PLA1A: variants seen among roughly 807,000 people sequenced by gnomAD.
PLA1A encodes phospholipase A1 member A.
Under a neutral mutation model 49.4 loss-of-function variants are expected in PLA1A, and 47 were observed. The observed-to-expected ratio is 0.95, with a 90% confidence interval of 0.75 to 1.21. The LOEUF (loss-of-function observed/expected upper bound fraction) is 1.21. Among genes scored for constraint, PLA1A ranks in the 50% most tolerant of loss-of-function variants. The pLI, the probability that PLA1A is intolerant of heterozygous loss-of-function variation, is 0.00. For missense variants in PLA1A, 561 were observed against 563.9 expected (o/e 0.99, Z 0.05); for synonymous variants, 224 against 207.9 (o/e 1.08, Z -0.67).
chr3:119,604,686 G>C (rs1374809446), intron 1 of PLA1A, among the ~76,000 whole-genome samples: 1 of 151,878 alleles, frequency 6.6e-6, no homozygotes, highest in East Asian at 1.9e-4. Context: ...ACTTAAAAAA[G>C]GTAAAGATGA....
intron 4 of PLA1A, among the ~76,000 whole-genome samples, chr3:119,612,216 C>T (rs1251307487): frequency 6.6e-6 from 1 of 152,170 alleles, no homozygotes; most frequent in Non-Finnish European, 1.5e-5. Flanking sequence ...CCTCACCATG[C>T]TTTCTGAGAC....
rs1456695287 is a variant in PLA1A, at chr3:119,609,495, C to T, written c.481C>T (p.His161Tyr). 6 of 1,612,314 alleles carry T rather than the reference C, an allele frequency of 3.7e-6. No homozygotes were observed. Among genetic ancestry groups the T allele is most frequent in the Non-Finnish European group, 5.1e-6 (6 of 1,178,504 alleles). The change falls in exon 4 of 11, where the codon CAC (histidine) becomes TAC (tyrosine). Residue 161 changes from histidine to tyrosine, a missense_variant. His to Tyr is a moderately conservative substitution (Grantham distance 83, BLOSUM62 2). Coordinates refer to ENST00000273371, the MANE Select transcript of PLA1A (RefSeq NM_015900.4). ...GCTGGGTGTGTCGGAATCCTCAATC[C>T]ACATCATTGGTGTTAGCCTGGGGGC... ...LVLGVSESSI[H>Y]IIGVSLGAHV...
At chr3:119,602,802 G>T (rs1443919272) in intron 1 of PLA1A, among the ~76,000 whole-genome samples, 1 of 152,168 alleles carries the variant, frequency 6.6e-6, no homozygotes, top group Non-Finnish European at 1.5e-5. Flanking sequence ...AAGGATGATT[G>T]AGAGAAATGA....
chr3:119,629,344 C>T (rs1461000343), intron 10 of PLA1A, 40 bp from the exon 11 acceptor site: 2 of 1,166,132 alleles, frequency 1.7e-6, no homozygotes, highest in Non-Finnish European at 2.6e-6. Flanking sequence ...AGCCCTGTCT[C>T]CTCACCAGCC....
At chr3:119,599,975 T>C (rs1037261356) in intron 1 of PLA1A, among the ~76,000 whole-genome samples, 2 of 143,446 alleles carry the variant, frequency 1.4e-5, no homozygotes, top group African/African-American at 2.9e-5. Context: ...TGTGTGTGCG[T>C]GTGTGTGTGT....
intron 5 of PLA1A, among the ~76,000 whole-genome samples, chr3:119,614,431 G>A (rs1397706896): frequency 2.0e-5 from 3 of 151,688 alleles, no homozygotes; most frequent in Non-Finnish European, 2.9e-5. Context: ...GTGAAACCCC[G>A]TCTCTACTAA....
At chr3:119,619,030 G>A (rs540760113) in intron 7 of PLA1A, among the ~76,000 whole-genome samples, 1 of 152,290 alleles carries the variant, frequency 6.6e-6, no homozygotes, top group Non-Finnish European at 1.5e-5. Context: ...ACCTCACACT[G>A]TCTGCCCAGC....
Position 119,629,498 on chromosome 3 carries a change from A to ATATTT in PLA1A, c.*31_*32insATTTT, listed in dbSNP as rs1553795318. 0.012 allele frequency: 10,138 copies of ATATTT among 874,588 alleles called. 51 individuals are homozygous for ATATTT. Among genetic ancestry groups the ATATTT allele is most frequent in the Non-Finnish European group, 0.016 (9,022 of 564,958 alleles). 54.2% of individuals were successfully genotyped at this position (874,588 alleles called of 1,614,324 possible). On this transcript the variant is annotated 3_prime_UTR_variant, in exon 11 of 11. Coordinates refer to ENST00000273371, the MANE Select transcript of PLA1A (RefSeq NM_015900.4). ...ACCTGGGCAGGACACATCTCCCTGC[A>ATATTT]TTTTTTTTTTTTTTTTGAGAGAGAG...
intron 5 of PLA1A, among the ~76,000 whole-genome samples, chr3:119,614,531 A>G (rs1349003158): frequency 6.8e-6 from 1 of 147,972 alleles, no homozygotes; most frequent in Non-Finnish European, 1.5e-5. Flanking sequence ...CCCTGAACCC[A>G]GGAGGCAGAG....
At chr3:119,616,921 T>C (rs1560083810) in intron 6 of PLA1A, among the ~76,000 whole-genome samples, 1 of 152,222 alleles carries the variant, frequency 6.6e-6, no homozygotes, top group Non-Finnish European at 1.5e-5. Flanking sequence ...AGGGTTTAGT[T>C]TGTCTCTGCC....
intron 1 of PLA1A, among the ~76,000 whole-genome samples, chr3:119,604,166 A>G (rs1525838): frequency 0.22 from 33,388 of 152,174 alleles, 4,421 homozygotes; most frequent in East Asian, 0.47. Context: ...GTAAATTAGT[A>G]TAGCCACTAT....
intron 5 of PLA1A, among the ~76,000 whole-genome samples, chr3:119,613,394 G>A (rs1314539120): frequency 6.6e-6 from 1 of 152,254 alleles, no homozygotes; most frequent in South Asian, 2.1e-4. Flanking sequence ...TGATTCAAAT[G>A]AATGCAGTAA....
In PLA1A at chr3:119,625,127, A is replaced by G. The variant is rs761352770; in HGVS notation, c.1016A>G (p.His339Arg). The change falls in exon 9 of 11, where the codon CAT (histidine) becomes CGT (arginine). Residue 339 changes from histidine (H) to arginine (R), a missense_variant. Physicochemically the swap from His to Arg is conservative, Grantham distance 29. Coordinates refer to ENST00000273371, the MANE Select transcript of PLA1A (RefSeq NM_015900.4). ...CTGTTGTGCTTTGGTTTCCTAGTGC[A>G]TCACAGCCTCGTGGAGTTTCACTTG... The part of the protein sequence containing the change: ...LTTSSAPYCM[H>R]HSLVEFHLKE... 5 of 1,610,670 alleles carry G rather than the reference A, an allele frequency of 3.1e-6. No individual in the cohort carries two copies. Among genetic ancestry groups the G allele is most frequent in the Middle Eastern group, 1.7e-4 (1 of 6,054 alleles).
intron 9 of PLA1A, among the ~76,000 whole-genome samples, chr3:119,625,551 C>T (rs1373928093): frequency 1.3e-5 from 2 of 152,124 alleles, no homozygotes; most frequent in Non-Finnish European, 2.9e-5. Context: ...CCAGACAGTG[C>T]GGGTATCAGG....
intron 8 of PLA1A, among the ~76,000 whole-genome samples, chr3:119,623,852 G>A (rs556890408): frequency 1.9e-4 from 28 of 149,974 alleles, no homozygotes; most frequent in Non-Finnish European, 3.1e-4. Flanking sequence ...AGCCTCCTTA[G>A]TAGCTGGGGT....
intron 9 of PLA1A, among the ~76,000 whole-genome samples, chr3:119,625,556 A>G (rs1295311453): frequency 6.6e-6 from 1 of 152,202 alleles, no homozygotes; most frequent in Non-Finnish European, 1.5e-5. Context: ...CAGTGCGGGT[A>G]TCAGGGATGT....
intron 1 of PLA1A, among the ~76,000 whole-genome samples, chr3:119,602,313 A>G (rs2082627589): frequency 6.6e-6 from 1 of 152,140 alleles, no homozygotes; most frequent in South Asian, 2.1e-4. Context: ...TAGTGTTTCA[A>G]TTCCTTTATG....
chr3:119,612,724 G>A (rs1334561964), intron 4 of PLA1A, among the ~76,000 whole-genome samples: 1 of 152,108 alleles, frequency 6.6e-6, no homozygotes, highest in East Asian at 1.9e-4. Context: ...TCCTGACCTC[G>A]TGATCCGCCT....
At chr3:119,629,235 C>T (rs552714131) in intron 10 of PLA1A, 149 bp from the exon 11 acceptor site, 207 of 660,546 alleles carry the variant, frequency 3.1e-4, no homozygotes, top group East Asian at 1.1e-3. Flanking sequence ...AACCTTACCA[C>T]CCCTGGGCAC....
Sources: allele counts gnomAD v4.1 joint callset (sites outside exome capture counted in the v4.1 genomes callset), GRCh38; gene constraint gnomAD v4.1.1; transcripts MANE v1.5; gene names NCBI Gene and HGNC (gene_info 2026-07-23, HGNC 2026-07-21).